The following ABCC11 variants were observed in gnomAD, a reference collection of about 807,000 sequenced individuals.
ABCC11 encodes ATP-binding cassette sub-family C member 11.
A neutral mutation model predicts 149.3 loss-of-function variants in ABCC11; 135 were observed. That is an observed-to-expected ratio of 0.90 (90% confidence interval 0.79 to 1.04). The LOEUF (loss-of-function observed/expected upper bound fraction) is 1.04, where lower values mean the gene tolerates loss of function less well. Ranked by LOEUF, ABCC11 falls within the 50% of genes least tolerant of loss-of-function variation. ABCC11 has a pLI of 0.00. For missense variants in ABCC11, 1,680 were observed against 1,722.1 expected (o/e 0.98, Z 0.43); for synonymous variants, 665 against 671.4 (o/e 0.99, Z 0.15).
chr16:48,178,733 G>A (rs199504974), intron 23 of ABCC11, 47 bp from the exon 24 acceptor site: 7 of 1,540,242 alleles, frequency 4.5e-6, no homozygotes, highest in Non-Finnish European at 6.3e-6. Flanking sequence ...GCTGGGGTGT[G>A]CTCAGGCTCT....
In ABCC11 at chr16:48,187,059, T is replaced by G; in HGVS notation, c.2965A>C (p.Arg989=). The change falls in exon 22 of 30, where the codon AGA becomes CGA. Residue 989 remains arginine (R), a synonymous_variant. Transcript: ENST00000356608. ...GGAGACCGGCTATAGTTCTCCAGTCTCTTGAACACACCGATGGCCTTCTTG... is the reference window on the plus strand; with the variant it reads ...GGAGACCGGCTATAGTTCTCCAGTCGCTTGAACACACCGATGGCCTTCTTG... ...MFKKAIGVFK[R]LENYSRSPLF... 1 of 1,614,196 alleles carries G rather than the reference T, an allele frequency of 6.2e-7. No homozygotes were observed.
rs768834142 is a variant in ABCC11, at chr16:48,216,177, G to A, written c.888C>T (p.Tyr296=). 1.9e-6 allele frequency: 3 copies of A among 1,614,220 alleles called. No homozygotes were observed. The highest frequency in any genetic ancestry group is 2.5e-6 in the Non-Finnish European group (3 of 1,180,042). The change falls in exon 7 of 30, where the codon TAC becomes TAT. Residue 296 remains tyrosine, a synonymous_variant. Transcript: ENST00000356608. Reference sequence around the variant, plus strand: ...TAAATGCAGTGTATCCAATAATGAAGTAGGAAGAAATGCTGCAGATGACCA... The same window carrying A: ...TAAATGCAGTGTATCCAATAATGAAATAGGAAGAAATGCTGCAGATGACCA... ...ASLVICSISS[Y]FIIGYTAFIA...
At chr16:48,193,844 A>G in intron 19 of ABCC11, 35 bp downstream of exon 19, 1 of 1,564,316 alleles carries the variant, frequency 6.4e-7, no homozygotes, top group Non-Finnish European at 8.8e-7. Flanking sequence ...ACTCAAGCCC[A>G]TAGAAACACA....
At chr16:48,205,802 GT>G (rs144649541) in intron 12 of ABCC11, among the ~76,000 whole-genome samples, 1 of 149,558 alleles carries the variant, frequency 6.7e-6, no homozygotes, top group Admixed American at 6.6e-5. Context: ...CACTCCATAC[GT>G]TTTTTCCTCT....
intron 1 of ABCC11, among the ~76,000 whole-genome samples, chr16:48,234,366 T>C (rs1388139228): frequency 6.6e-6 from 1 of 152,178 alleles, no homozygotes; most frequent in Non-Finnish European, 1.5e-5. Flanking sequence ...ATTGTAAGTT[T>C]ATATAATTTT....
intron 13 of ABCC11, among the ~76,000 whole-genome samples, chr16:48,203,729 G>C (rs576481444): frequency 1.3e-5 from 2 of 152,086 alleles, no homozygotes; most frequent in Non-Finnish European, 2.9e-5. Flanking sequence ...TTAACTGGGC[G>C]TGCTGGTGCG....
At chr16:48,206,004 G>A (rs1306163205) in intron 12 of ABCC11, among the ~76,000 whole-genome samples, 1 of 152,114 alleles carries the variant, frequency 6.6e-6, no homozygotes. Flanking sequence ...TAGAGACAGG[G>A]TTTCACCGTG....
At chr16:48,185,536 C>T (rs1966702900) in intron 22 of ABCC11, among the ~76,000 whole-genome samples, 1 of 152,082 alleles carries the variant, frequency 6.6e-6, no homozygotes, top group South Asian at 2.1e-4. Flanking sequence ...TTAATCACAA[C>T]CTTAAATTAT....
In ABCC11 at chr16:48,230,430, G is replaced by A; in HGVS notation, c.236+7C>T. 1.2e-6 allele frequency: 2 copies of A among 1,600,032 alleles called. No individual in the cohort carries two copies. Among genetic ancestry groups the A allele is most frequent in the Non-Finnish European group, 1.7e-6 (2 of 1,173,552 alleles). The stretch of plus-strand genomic sequence containing the variant: ...AGCTCTCTCCCACCACCCCCATCAG[G>A]ACTCACCTCGGCTTGGGACGGAAGG... On this transcript the variant is annotated splice_region_variant and intron_variant, in intron 3 of 29. Coordinates refer to ENST00000356608, the MANE Select transcript of ABCC11 (RefSeq NM_001370497.1).
At chr16:48,226,356 G>A (rs1040006754) in intron 4 of ABCC11, among the ~76,000 whole-genome samples, 2 of 146,426 alleles carry the variant, frequency 1.4e-5, no homozygotes, top group African/African-American at 5.1e-5. Flanking sequence ...CTTACTATAA[G>A]CTCTGCCTCC....
At chr16:48,233,822 T>C (rs149802775) in intron 1 of ABCC11, among the ~76,000 whole-genome samples, 2 of 152,342 alleles carry the variant, frequency 1.3e-5, no homozygotes, top group East Asian at 3.9e-4. Context: ...TTAAGTATAG[T>C]TCCAATGCTA....
intron 1 of ABCC11, among the ~76,000 whole-genome samples, chr16:48,240,417 C>T (rs1970907052): frequency 6.6e-6 from 1 of 152,126 alleles, no homozygotes; most frequent in Non-Finnish European, 1.5e-5. Context: ...AGCAAACTAA[C>T]ACAGGATCAG....
chr16:48,216,749 A>C (rs1969372582), intron 6 of ABCC11, among the ~76,000 whole-genome samples: 1 of 152,204 alleles, frequency 6.6e-6, no homozygotes, highest in Non-Finnish European at 1.5e-5. Flanking sequence ...CTCTGCTTTT[A>C]AGATAACAGA....
chr16:48,175,142 GC>G, intron 26 of ABCC11, 115 bp downstream of exon 26: 1 of 1,366,150 alleles, frequency 7.3e-7, no homozygotes, highest in East Asian at 2.5e-5. Context: ...GGCCCAGCAG[GC>G]CAAGGAGGCC....
chr16:48,184,326 T>C, intron 23 of ABCC11, 114 bp downstream of exon 23: 1 of 1,291,446 alleles, frequency 7.7e-7, no homozygotes, highest in Non-Finnish European at 1.1e-6. Context: ...AGATCACACG[T>C]GGCCAGAGCC....
intron 22 of ABCC11, among the ~76,000 whole-genome samples, chr16:48,185,426 C>A (rs1172985724): frequency 6.6e-6 from 1 of 152,148 alleles, no homozygotes; most frequent in Non-Finnish European, 1.5e-5. Flanking sequence ...TTTTCACATA[C>A]CACCATCACA....
intron 11 of ABCC11, among the ~76,000 whole-genome samples, chr16:48,208,905 T>C (rs968569443): frequency 6.6e-6 from 1 of 152,200 alleles, no homozygotes; most frequent in Non-Finnish European, 1.5e-5. Context: ...TATTGAAGCA[T>C]TCATTCACCC....
At chr16:48,172,088 C>A (rs772491995) in intron 26 of ABCC11, among the ~76,000 whole-genome samples, 1 of 152,304 alleles carries the variant, frequency 6.6e-6, no homozygotes, top group African/African-American at 2.4e-5. Flanking sequence ...TACTTTCCAT[C>A]GATATGGATT....
intron 13 of ABCC11, among the ~76,000 whole-genome samples, chr16:48,203,647 C>A (rs1968190860): frequency 6.6e-6 from 1 of 152,162 alleles, no homozygotes; most frequent in Admixed American, 6.5e-5. Flanking sequence ...GAGGGCAAAT[C>A]ACCTGAGGTC....
Sources: allele counts gnomAD v4.1 joint callset (sites outside exome capture counted in the v4.1 genomes callset), GRCh38; gene constraint gnomAD v4.1.1; transcripts MANE v1.5; gene names NCBI Gene and HGNC (gene_info 2026-07-23, HGNC 2026-07-21).